Variants in DGKB observed in about 807,000 individuals in gnomAD.
DGKB encodes the protein diacylglycerol kinase beta.
Under a neutral mutation model 114.3 loss-of-function variants are expected in DGKB, and 67 were observed. That is an observed-to-expected ratio of 0.59 (90% CI 0.48 to 0.72). The LOEUF is 0.72. DGKB is among the 30% of genes least tolerant of loss of function. The pLI is 0.00. For missense variants in DGKB, 907 were observed against 975.2 expected (o/e 0.93, Z 0.93); for synonymous variants, 398 against 323.1 (o/e 1.23, Z -2.49).
chr7:14,792,925 A>T (rs1840882248), intron 2 of DGKB, among the ~76,000 whole-genome samples: 1 of 152,170 alleles, frequency 6.6e-6, no homozygotes, highest in African/African-American at 2.4e-5. Flanking sequence ...CATACAGATT[A>T]ACTCTATAAA....
At chr7:14,750,202 G>A (rs747327947) in intron 4 of DGKB, 9 of 513,286 alleles carry the variant, frequency 1.8e-5, no homozygotes, top group South Asian at 1.3e-4. Context: ...TGCACATTAT[G>A]TTATAGTTAA....
At chr7:14,950,446 T>C (rs1237441716) in intron 1 of DGKB, among the ~76,000 whole-genome samples, 1 of 151,870 alleles carries the variant, frequency 6.6e-6, no homozygotes, top group Non-Finnish European at 1.5e-5. Flanking sequence ...AAAAAAGCTG[T>C]AGAGAAAATT....
chr7:14,612,276 C>G (rs565362679), intron 16 of DGKB, among the ~76,000 whole-genome samples: 7 of 151,938 alleles, frequency 4.6e-5, no homozygotes, highest in African/African-American at 1.7e-4. Context: ...TCAAGTGATT[C>G]TCCTTGCCTC....
chr7:14,648,548 A>C (rs1813680660), intron 13 of DGKB, among the ~76,000 whole-genome samples: 1 of 152,262 alleles, frequency 6.6e-6, no homozygotes, highest in East Asian at 1.9e-4. Flanking sequence ...ATGGGGAAAA[A>C]ACAGAACAGG....
At chr7:14,351,633 A>G (rs1344397396) in intron 21 of DGKB, among the ~76,000 whole-genome samples, 2 of 152,180 alleles carry the variant, frequency 1.3e-5, no homozygotes, top group Non-Finnish European at 2.9e-5. Context: ...ACCAATAAAG[A>G]GTTATGAAAA....
At chr7:14,629,192 A>T (rs1021690414) in intron 14 of DGKB, among the ~76,000 whole-genome samples, 2 of 152,012 alleles carry the variant, frequency 1.3e-5, no homozygotes, top group Non-Finnish European at 2.9e-5. Flanking sequence ...CTGTCCTAAT[A>T]CTTTTGTCAC....
At chr7:14,228,544 G>A (rs943861352) in intron 23 of DGKB, among the ~76,000 whole-genome samples, 5 of 151,726 alleles carry the variant, frequency 3.3e-5, no homozygotes, top group East Asian at 2.0e-4. Context: ...ACTCGCACCC[G>A]CACACACACT....
chr7:14,704,461 A>G (rs1473554074), intron 6 of DGKB, among the ~76,000 whole-genome samples: 1 of 149,994 alleles, frequency 6.7e-6, no homozygotes, highest in Non-Finnish European at 1.5e-5. Context: ...AAAAAAAAAA[A>G]AAAGAAAAAA....
chr7:14,451,545 G>GTCTCTCTCTCTCTCTCTCTCTC, intron 21 of DGKB, among the ~76,000 whole-genome samples: 1 of 141,166 alleles, frequency 7.1e-6, no homozygotes, highest in South Asian at 2.2e-4. Flanking sequence ...CTCTCTATCT[G>GTCTCTCTCTCTCTCTCTCTCTC]TCTCTCTCTC....
At chr7:14,695,495 T>TCTCTCTCTCTC (rs1491095073) in intron 8 of DGKB, among the ~76,000 whole-genome samples, 621 of 59,568 alleles carry the variant, frequency 0.01, 6 homozygotes, top group African/African-American at 0.045. Context: ...TCTCTCTCTC[T>TCTCTCTCTCTC]TTTTTTTTTT....
intron 25 of DGKB, among the ~76,000 whole-genome samples, chr7:14,155,739 T>C (rs1327804274): frequency 6.6e-6 from 1 of 152,084 alleles, no homozygotes; most frequent in Non-Finnish European, 1.5e-5. Context: ...TTTACTGCAA[T>C]TTCCATGCTT....
chr7:14,374,387 G>A (rs1214300881), intron 21 of DGKB, among the ~76,000 whole-genome samples: 1 of 152,092 alleles, frequency 6.6e-6, no homozygotes, highest in Admixed American at 6.5e-5. Flanking sequence ...TTTTTGGTTT[G>A]ATAGAGTGCT....
chr7:14,492,857 A>G (rs1784785666), intron 20 of DGKB, among the ~76,000 whole-genome samples: 1 of 152,140 alleles, frequency 6.6e-6, no homozygotes, highest in African/African-American at 2.4e-5. Flanking sequence ...GTTAAACTTT[A>G]ATGGATTGAA....
chr7:14,859,291 G>A (rs962461722), intron 1 of DGKB, among the ~76,000 whole-genome samples: 7 of 152,112 alleles, frequency 4.6e-5, no homozygotes, highest in African/African-American at 1.7e-4. Context: ...AAGGTAAAAA[G>A]GGAGGCAGAG....
At chr7:14,756,625 T>C (rs893612054) in intron 3 of DGKB, among the ~76,000 whole-genome samples, 8 of 151,882 alleles carry the variant, frequency 5.3e-5, no homozygotes, top group Admixed American at 1.3e-4. Context: ...GAAATACTGA[T>C]AGGAAATTTC....
chr7:14,514,252 C>G lies in DGKB; in HGVS notation c.1771-36027G>C, dbSNP rs553211408. Among the ~76,000 whole-genome samples, 10 of 152,012 alleles carry G rather than the reference C, an allele frequency of 6.6e-5. No individual in the cohort carries two copies. The South Asian group carries it at 2.1e-3, about 32-fold the overall frequency. ...TTGAACCATGATGATACATTTCCCC[C>G]CAAAATACATAAAAAGTTGAATAGA... On this transcript the variant is annotated intron_variant, in intron 20 of 25. Transcript: ENST00000402815.
chr7:14,642,667 C>A (rs1304846544), intron 13 of DGKB, among the ~76,000 whole-genome samples: 5 of 152,100 alleles, frequency 3.3e-5, no homozygotes, highest in Non-Finnish European at 1.5e-5. Flanking sequence ...CAGGGAAATT[C>A]TGAAAAATTA....
intron 1 of DGKB, among the ~76,000 whole-genome samples, chr7:14,927,057 T>C (rs1376028058): frequency 6.6e-6 from 1 of 152,062 alleles, no homozygotes; most frequent in South Asian, 2.1e-4. Flanking sequence ...ACTGGAATGA[T>C]GATGATGATG....
Position 14,574,307 on chromosome 7 carries a change from C to G in DGKB, c.1675G>C (p.Asp559His). 1.2e-6 allele frequency: 2 copies of G among 1,613,380 alleles called. No individual in the cohort carries two copies. The highest frequency in any genetic ancestry group is 1.7e-6 in the Non-Finnish European group (2 of 1,179,610). The change falls in exon 20 of 26, where the codon GAC becomes CAC. Residue 559 changes from aspartate (D) to histidine (H), a missense_variant. Physicochemically the swap from Asp to His is moderately conservative, Grantham distance 81. This residue lies in a region of DGKB where 814 missense variants were observed against 856.6 expected (regional missense o/e 0.95). Coordinates refer to ENST00000402815, the MANE Select transcript of DGKB (RefSeq NM_001350709.2). Reference sequence around the variant, plus strand: ...GGTATGACTTCAAACTTCCACCTGTCCAACATGATTTCTGTGCTGTTTTCA... The same window carrying G: ...GGTATGACTTCAAACTTCCACCTGTGCAACATGATTTCTGTGCTGTTTTCA... Reference protein sequence around the residue: ...DIENSTEIMLDRWKFEVIPND... With the variant: ...DIENSTEIMLHRWKFEVIPND...
Sources: gnomAD v4.1 joint callset for allele counts (sites outside exome capture counted in the v4.1 genomes callset) on GRCh38, gnomAD v4.1.1 for gene constraint, gnomAD v4.1.1 regional missense constraint, MANE v1.5 for transcripts, NCBI Gene and HGNC (gene_info 2026-07-23, HGNC 2026-07-21) for gene names.